Variants in SEMA3A observed in about 807,000 individuals in gnomAD.
The protein encoded by SEMA3A is semaphorin-3A.
Under a neutral mutation model 97.9 loss-of-function variants are expected in SEMA3A, and 29 were observed. The ratio of observed to expected loss-of-function variants is 0.30; its 90% confidence interval spans 0.22 to 0.40. SEMA3A has a LOEUF of 0.40. Among genes scored for constraint, SEMA3A ranks in the 10% least tolerant of loss-of-function variants. The pLI, the probability that SEMA3A is intolerant of heterozygous loss-of-function variation, is 1.00. For missense variants in SEMA3A, 763 were observed against 951.3 expected, an observed-to-expected ratio of 0.80 and a Z score of 2.60; for synonymous variants, 321 against 323.7, an observed-to-expected ratio of 0.99 and a Z score of 0.09.
At chr7:84,220,697 T>A (rs373143347) in intron 3 of SEMA3A, among the ~76,000 whole-genome samples, 1 of 152,126 alleles carries the variant, frequency 6.6e-6, no homozygotes, top group African/African-American at 2.4e-5. Context: ...AGCAATAATA[T>A]GCTGAAAGGA....
chr7:84,296,186 C>A (rs899198162), intron 3 of SEMA3A, among the ~76,000 whole-genome samples: 1 of 151,828 alleles, frequency 6.6e-6, no homozygotes, highest in Admixed American at 6.6e-5. Flanking sequence ...AAAATATGAA[C>A]GTATTTTTTT....
At chr7:84,364,846 G>GAA (rs10710006) in intron 2 of SEMA3A, among the ~76,000 whole-genome samples, 1 of 126,472 alleles carries the variant, frequency 7.9e-6, no homozygotes, top group African/African-American at 2.8e-5. Flanking sequence ...AAGAACAAGA[G>GAA]AAAAAAAAAA....
At chr7:84,446,231 G>C (rs1805412079) in intron 1 of SEMA3A, among the ~76,000 whole-genome samples, 1 of 152,110 alleles carries the variant, frequency 6.6e-6, no homozygotes, top group Non-Finnish European at 1.5e-5. Flanking sequence ...ATAAAGAAAA[G>C]CATCAGCTCT....
chr7:84,197,326 T>C (rs1352683927), upstream of SEMA3A, among the ~76,000 whole-genome samples: 1 of 152,204 alleles, frequency 6.6e-6, no homozygotes, highest in African/African-American at 2.4e-5. Flanking sequence ...TTTCTGCAGA[T>C]TTTTTATTTA....
intron 12 of SEMA3A, among the ~76,000 whole-genome samples, chr7:83,988,667 T>C (rs1789744015): frequency 6.6e-6 from 1 of 152,102 alleles, no homozygotes; most frequent in African/African-American, 2.4e-5. Flanking sequence ...TTTTCCATAG[T>C]TTCCAATTTT....
At chr7:84,251,024 G>C (rs892736654) in intron 3 of SEMA3A, among the ~76,000 whole-genome samples, 17 of 152,116 alleles carry the variant, frequency 1.1e-4, no homozygotes, top group Admixed American at 9.8e-4. Context: ...GAAATTCACA[G>C]AGCTTACTCT....
intron 2 of SEMA3A, among the ~76,000 whole-genome samples, chr7:84,318,317 G>GTTTTTTTTT (rs71522699): frequency 7.2e-5 from 7 of 97,796 alleles, no homozygotes; most frequent in South Asian, 3.7e-4. Context: ...TGATTTCTTG[G>GTTTTTTTTT]TTTTTTTTTT....
At chr7:84,190,502 A>G (rs1234427804) in intron 1 of SEMA3A, among the ~76,000 whole-genome samples, 1 of 151,438 alleles carries the variant, frequency 6.6e-6, no homozygotes, top group African/African-American at 2.4e-5. Flanking sequence ...TCTTTGCTCT[A>G]TGCATGTGTG....
intron 3 of SEMA3A, among the ~76,000 whole-genome samples, chr7:84,216,958 T>C (rs144193424): frequency 1.3e-5 from 2 of 152,322 alleles, no homozygotes; most frequent in African/African-American, 4.8e-5. Flanking sequence ...TCCCCCCATA[T>C]TGCAATCAAT....
intron 11 of SEMA3A, among the ~76,000 whole-genome samples, chr7:84,004,306 T>A (rs987512405): frequency 6.6e-6 from 1 of 152,108 alleles, no homozygotes; most frequent in Non-Finnish European, 1.5e-5. Context: ...ATGGAATTCA[T>A]TCTGAAAATA....
chr7:84,488,345 CACACAT>C (rs1806637035), intron 1 of SEMA3A, among the ~76,000 whole-genome samples: 1 of 151,732 alleles, frequency 6.6e-6, no homozygotes, highest in South Asian at 2.1e-4. Flanking sequence ...CACACACACA[CACACAT>C]ATATATATGT....
chr7:83,988,801 T>C (rs1004109441), intron 12 of SEMA3A, among the ~76,000 whole-genome samples: 4 of 151,732 alleles, frequency 2.6e-5, no homozygotes, highest in African/African-American at 9.7e-5. Context: ...ATATAATCTT[T>C]AGAATTTAGT....
chr7:84,399,036 G>A (rs1244815356), intron 1 of SEMA3A, among the ~76,000 whole-genome samples: 1 of 152,102 alleles, frequency 6.6e-6, no homozygotes, highest in Admixed American at 6.5e-5. Flanking sequence ...GCATTGAATA[G>A]GATTGGAAGA....
At chr7:84,119,923 T>C (rs1046066189) in intron 3 of SEMA3A, among the ~76,000 whole-genome samples, 11 of 152,262 alleles carry the variant, frequency 7.2e-5, no homozygotes, top group South Asian at 2.1e-4. Context: ...TGAATTATGG[T>C]GTCCAGTCAA....
intron 4 of SEMA3A, among the ~76,000 whole-genome samples, chr7:84,061,940 A>G (rs1442002299): frequency 6.6e-6 from 1 of 152,284 alleles, no homozygotes; most frequent in African/African-American, 2.4e-5. Context: ...ACTAAGTTAT[A>G]GTGGAAAACG....
intron 7 of SEMA3A, among the ~76,000 whole-genome samples, chr7:84,013,266 T>A (rs1790957734): frequency 6.6e-6 from 1 of 152,202 alleles, no homozygotes; most frequent in South Asian, 2.1e-4. Flanking sequence ...CAAATGGAAC[T>A]ATTATATTTT....
intron 3 of SEMA3A, among the ~76,000 whole-genome samples, chr7:84,292,611 A>G (rs868815205): frequency 1.3e-5 from 2 of 152,162 alleles, no homozygotes; most frequent in African/African-American, 4.8e-5. Flanking sequence ...AAAAATCTGT[A>G]GGAGGTAGAA....
At chr7:84,002,629 G>T (rs924438002) in intron 11 of SEMA3A, among the ~76,000 whole-genome samples, 1 of 152,080 alleles carries the variant, frequency 6.6e-6, no homozygotes, top group Non-Finnish European at 1.5e-5. Context: ...CCTAATGATG[G>T]CTCAATGGCC....
intron 1 of SEMA3A, among the ~76,000 whole-genome samples, chr7:84,410,728 A>T (rs1247816973): frequency 6.6e-6 from 1 of 152,124 alleles, no homozygotes; most frequent in Non-Finnish European, 1.5e-5. Flanking sequence ...GATTCTAATT[A>T]TATGTTTCTA....
Sources: gnomAD v4.1 joint callset for allele counts (sites outside exome capture counted in the v4.1 genomes callset) on GRCh38, gnomAD v4.1.1 for gene constraint, MANE v1.5 for transcripts, NCBI Gene and HGNC (gene_info 2026-07-23, HGNC 2026-07-21) for gene names.